Variants in BRCA1 observed in about 807,000 individuals in gnomAD.
BRCA1 encodes the protein breast cancer type 1 susceptibility protein.
Under a neutral mutation model 173.7 loss-of-function variants are expected in BRCA1, and 140 were observed. That is an observed-to-expected ratio of 0.81 (90% CI 0.70 to 0.93). BRCA1 has a LOEUF of 0.93. Among genes scored for constraint, BRCA1 ranks in the 40% least tolerant of loss-of-function variants. The pLI, the probability that BRCA1 is intolerant of heterozygous loss-of-function variation, is 0.00. For synonymous variants in BRCA1, 662 were observed against 756.0 expected (o/e 0.88, Z 2.04); for missense variants, 1,983 against 2,172.5 (o/e 0.91, Z 1.73).
At chr17:43,121,252 G>T (rs962832936) in intron 2 of BRCA1, among the ~76,000 whole-genome samples, 2 of 149,524 alleles carry the variant, frequency 1.3e-5, no homozygotes, top group African/African-American at 5.0e-5. Context: ...GTGGGCGCCT[G>T]TAGTCCCAGC....
chr17:43,100,639 TATATAAC>T lies in BRCA1; in HGVS notation c.442-766_442-760del, dbSNP rs1567807405. Among the ~76,000 whole-genome samples the T allele has an allele frequency of 7.4e-4, 47 of 63,244 alleles. 3 individuals carry two copies. Among genetic ancestry groups the T allele is most frequent in the African/African-American group, 2.6e-3 (43 of 16,794 alleles). 41.5% of individuals were successfully genotyped at this position (63,244 alleles called of 152,430 possible). A position where few individuals can be genotyped will look rare whatever the true frequency, so the allele number is the denominator to read the frequency against. Reference sequence around the variant, plus strand: ...ATATAACATATATATATGTTATATATATATAACATATATATAACATATATATATATAT... The same window carrying T: ...ATATAACATATATATATGTTATATATATATATATAACATATATATATATAT... On this transcript the variant is annotated intron_variant, in intron 6 of 22. Transcript: ENST00000357654.
At chr17:43,166,573 T>C (rs2154581767) in intron 1 of BRCA1, 1 of 152,324 alleles carries the variant, frequency 6.6e-6, no homozygotes, top group East Asian at 1.9e-4. Context: ...ACATAGTTCC[T>C]AGTGGGGTGG....
intron 5 of BRCA1, 79 bp from the exon 6 acceptor site, chr17:43,104,340 C>T (rs1374631700): frequency 2.6e-5 from 38 of 1,435,046 alleles, no homozygotes; most frequent in Admixed American, 3.6e-5. Flanking sequence ...CCAAGAGAAA[C>T]CCTATGTATG....
chr17:43,117,707 C>A (rs2055359587), intron 2 of BRCA1, among the ~76,000 whole-genome samples: 1 of 152,112 alleles, frequency 6.6e-6, no homozygotes, highest in African/African-American at 2.4e-5. Flanking sequence ...CCACTGTACT[C>A]CAACCTGGGC....
rs16942 is a variant in BRCA1 at position 43,091,983 on chromosome 17, T to C, written c.3548A>G (p.Lys1183Arg). The C allele has an allele frequency of 0.34, 542,417 of 1,613,632 alleles. 93,431 individuals are homozygous for C. The highest frequency in any genetic ancestry group is 0.5 in the South Asian group (45,432 of 91,072). The change falls in exon 10 of 23, where the codon AAA becomes AGA. Residue 1183 changes from lysine to arginine, a missense_variant. Lys to Arg is a conservative substitution (Grantham distance 26, BLOSUM62 2). Coordinates refer to ENST00000357654, the MANE Select transcript of BRCA1 (RefSeq NM_007294.4). ...GCTAGGACTCCTGCTAAGCTCTCCT[T>C]TCTGGACGCTTTTGCTAAAAACAGC... ...SSAVFSKSVQ[K>R]GELSRSPSPF... is the part of the protein sequence containing the mutation.
chr17:43,102,948 C>CTT (rs36085989), intron 6 of BRCA1, among the ~76,000 whole-genome samples: 48 of 146,460 alleles, frequency 3.3e-4, no homozygotes, highest in South Asian at 8.7e-4. Flanking sequence ...CACCCAGCTA[C>CTT]TTTTTTTTTT....
chr17:43,154,829 T>C (rs4792980), intron 1 of BRCA1, among the ~76,000 whole-genome samples: 20,463 of 148,718 alleles, frequency 0.14, 4,373 homozygotes, highest in African/African-American at 0.46. Context: ...AGAGAAAAAA[T>C]AAGCAGGGTA....
At chr17:43,128,023 CAAAAAAAAAA>C (rs61243891), upstream of BRCA1, among the ~76,000 whole-genome samples, 6 of 24,986 alleles carry the variant, frequency 2.4e-4, no homozygotes, top group African/African-American at 6.7e-4. Context: ...GACTCCATCT[CAAAAAAAAAA>C]AAAAAAAAAA....
chr17:43,113,738 A>G (rs1434284366), intron 3 of BRCA1, among the ~76,000 whole-genome samples: 1 of 152,132 alleles, frequency 6.6e-6, no homozygotes, highest in Non-Finnish European at 1.5e-5. Context: ...TCCTTCTTCC[A>G]CAAGTTCTCA....
chr17:43,137,429 TAA>T (rs1388889029), intron 1 of BRCA1, among the ~76,000 whole-genome samples: 83 of 138,418 alleles, frequency 6.0e-4, no homozygotes, highest in African/African-American at 2.6e-3. Flanking sequence ...AGTATAATAA[TAA>T]TTAAAAAAAA....
chr17:43,062,970 A>C, intron 18 of BRCA1, among the ~76,000 whole-genome samples: 1 of 151,460 alleles, frequency 6.6e-6, no homozygotes, highest in East Asian at 1.9e-4. Context: ...AGCTCACTGC[A>C]ACCCCCGCCT....
Position 43,076,723 on chromosome 17 carries a change from T to C in BRCA1, c.4358-109A>G, listed in dbSNP as rs2052753509. 1.3e-5 allele frequency: 18 copies of C among 1,405,920 alleles called. 1 individual carries two copies. In the Middle Eastern group the frequency reaches 2.9e-3, roughly 229 times the overall value. 87.1% of individuals were successfully genotyped at this position (1,405,920 alleles called of 1,614,324 possible). A position where few individuals can be genotyped will look rare whatever the true frequency, so the allele number is the denominator to read the frequency against. ...AAAGCATCAATCTATGATACACAAA[T>C]TGGTTTTTAAACAAGTATATCAGGC... On this transcript the variant is annotated intron_variant, in intron 12 of 22. Coordinates refer to ENST00000357654, the MANE Select transcript of BRCA1 (RefSeq NM_007294.4).
intron 18 of BRCA1, among the ~76,000 whole-genome samples, chr17:43,058,084 G>A (rs867771378): frequency 6.6e-6 from 1 of 150,976 alleles, no homozygotes; most frequent in Non-Finnish European, 1.5e-5. Context: ...CAGTAGCTGG[G>A]CACCAATGGC....
chr17:43,044,558 T>C lies in BRCA1; in HGVS notation c.*1120A>G. ...AAATCACCTCAAAGAAAGCAACAGC[T>C]TCCTTCCTGGTGGGATCTGTCATTT... is the stretch of plus-strand genomic sequence containing the variant. On this transcript the variant is annotated 3_prime_UTR_variant, in exon 23 of 23. Transcript: ENST00000357654. 5.9e-6 allele frequency: 3 copies of C among 506,186 alleles called. No individual in the cohort carries two copies. Among genetic ancestry groups the C allele is most frequent in the South Asian group, 3.1e-5 (2 of 64,890 alleles). 31.4% of individuals were successfully genotyped at this position (506,186 alleles called of 1,614,324 possible).
chr17:43,127,178 TC>T (rs2055909264), upstream of BRCA1, among the ~76,000 whole-genome samples: 2 of 152,200 alleles, frequency 1.3e-5, no homozygotes, highest in Non-Finnish European at 2.9e-5. Context: ...CCCGGTCCCA[TC>T]GACTGCCCAA....
rs1597835696 is a variant in BRCA1 at position 43,074,335 on chromosome 17, A to C, written c.4671T>G (p.Asp1557Glu). The change falls in exon 14 of 23, where the codon GAT becomes GAG. Residue 1557 changes from aspartate to glutamate, a missense_variant. Coordinates refer to ENST00000357654, the MANE Select transcript of BRCA1 (RefSeq NM_007294.4). ...LTETSYLPRQ[D>E]LEGTPYLESG... ...ATACAGCAGATGAAATATTACCTAG[A>C]TCTTGCCTTGGCAAGTAAGATGTTT... 1 of 1,613,954 alleles carries C rather than the reference A, an allele frequency of 6.2e-7. No homozygotes were observed. Among genetic ancestry groups the C allele is most frequent in the Non-Finnish European group, 8.5e-7 (1 of 1,179,850 alleles).
At chr17:43,121,345 A>T (rs2055560282) in intron 2 of BRCA1, among the ~76,000 whole-genome samples, 1 of 152,120 alleles carries the variant, frequency 6.6e-6, no homozygotes, top group South Asian at 2.1e-4. Context: ...ACTGCACTCC[A>T]GCCTAGGCAG....
intron 1 of BRCA1, among the ~76,000 whole-genome samples, chr17:43,135,817 C>A (rs1000289268): frequency 6.6e-6 from 1 of 152,192 alleles, no homozygotes; most frequent in South Asian, 2.1e-4. Context: ...CAGAGCTGGG[C>A]GAGAGGCCCT....
In BRCA1 at chr17:43,091,955, A is replaced by G. The variant is rs766447664; in HGVS notation, c.3576T>C (p.Pro1192=). 3.1e-6 allele frequency: 5 copies of G among 1,613,972 alleles called. No homozygotes were observed. The highest frequency in any genetic ancestry group is 1.7e-6 in the Non-Finnish European group (2 of 1,180,002). The part of the protein sequence containing the change: ...QKGELSRSPS[P]FTHTHLAQGY... Reference sequence around the variant, plus strand: ...CCTGAGCCAAATGTGTATGGGTGAAAGGGCTAGGACTCCTGCTAAGCTCTC... The same window carrying G: ...CCTGAGCCAAATGTGTATGGGTGAAGGGGCTAGGACTCCTGCTAAGCTCTC... The change falls in exon 10 of 23, where the codon CCT becomes CCC. Residue 1192 remains proline (P), a synonymous_variant. Coordinates refer to ENST00000357654, the MANE Select transcript of BRCA1 (RefSeq NM_007294.4).
Sources: allele counts gnomAD v4.1 joint callset (sites outside exome capture counted in the v4.1 genomes callset), GRCh38; gene constraint gnomAD v4.1.1; transcripts MANE v1.5; gene names NCBI Gene and HGNC (gene_info 2026-07-23, HGNC 2026-07-21).